ZYG11B: variants seen among roughly 807,000 people sequenced by gnomAD.
The protein encoded by ZYG11B is zyg-11 family member B, cell cycle regulator.
In ZYG11B, 36 loss-of-function variants were observed where a neutral mutation model predicts 82.4. The observed-to-expected ratio is 0.44, with a 90% CI of 0.33 to 0.58. ZYG11B has a LOEUF of 0.58. Among genes scored for constraint, ZYG11B ranks in the 20% least tolerant of loss-of-function variants. The pLI is 0.02. For missense variants in ZYG11B, 552 were observed against 895.6 expected (o/e 0.62, Z 4.90); for synonymous variants, 303 against 312.8 (o/e 0.97, Z 0.33).
chr1:52,806,938 A>G (rs1375994902), intron 10 of ZYG11B, among the ~76,000 whole-genome samples: 1 of 151,536 alleles, frequency 6.6e-6, no homozygotes, highest in East Asian at 1.9e-4. Context: ...GTGTGATCTC[A>G]GCTCGCTGCA....
chr1:52,784,624 T>C (rs1644897731), intron 4 of ZYG11B, among the ~76,000 whole-genome samples: 1 of 152,134 alleles, frequency 6.6e-6, no homozygotes, highest in Non-Finnish European at 1.5e-5. Flanking sequence ...AATACAAAGA[T>C]GAGTGACCTG....
At chr1:52,821,407 C>G in intron 13 of ZYG11B, 32 bp from the exon 14 acceptor site, 3 of 1,520,396 alleles carry the variant, frequency 2.0e-6, no homozygotes, top group Non-Finnish European at 2.6e-6. Context: ...GCTATTTCTC[C>G]TGTTTTGTGT....
At chr1:52,743,366 C>G (rs1209362855) in intron 1 of ZYG11B, among the ~76,000 whole-genome samples, 1 of 144,420 alleles carries the variant, frequency 6.9e-6, no homozygotes, top group African/African-American at 2.6e-5. Context: ...CCAAATCCCC[C>G]TCTCCGAGAA....
At position 52,771,264 on chromosome 1, in the gene ZYG11B, T is replaced by A; in HGVS notation, c.441T>A (p.Thr147=). ...NLQCLVLNSL[T]LSLEDPYERC... is the part of the protein sequence containing the mutation. Reference sequence around the variant, plus strand: ...AGTGCCTGGTGCTGAATTCATTAACTCTCTCCCTCGAGGATCCTTACGAGC... The same window carrying A: ...AGTGCCTGGTGCTGAATTCATTAACACTCTCCCTCGAGGATCCTTACGAGC... The change falls in exon 3 of 14, where the codon ACT becomes ACA. Residue 147 remains threonine, a synonymous_variant. Coordinates refer to ENST00000294353, the MANE Select transcript of ZYG11B (RefSeq NM_024646.3). This position sits in a 1 kb window ranked among gnomAD's most constrained non-coding sequence, Gnocchi z 5.4. 1 of 1,614,224 alleles carries A rather than the reference T, an allele frequency of 6.2e-7. No homozygotes were observed. The highest frequency in any genetic ancestry group is 8.5e-7 in the Non-Finnish European group (1 of 1,180,042).
At chr1:52,802,771 T>C (rs2149959234) in intron 10 of ZYG11B, among the ~76,000 whole-genome samples, 1 of 152,060 alleles carries the variant, frequency 6.6e-6, no homozygotes, top group South Asian at 2.1e-4. Context: ...ATAAATGTTA[T>C]TAAATTTAAA....
At chr1:52,785,992 A>G (rs541032020) in intron 5 of ZYG11B, among the ~76,000 whole-genome samples, 3 of 152,338 alleles carry the variant, frequency 2.0e-5, no homozygotes, top group African/African-American at 7.2e-5. Flanking sequence ...CCAGAGATAC[A>G]TTCTTACAAA....
At chr1:52,818,392 T>C (rs1267288161) in intron 13 of ZYG11B, among the ~76,000 whole-genome samples, 1 of 151,706 alleles carries the variant, frequency 6.6e-6, no homozygotes, top group Non-Finnish European at 1.5e-5. Context: ...GGCAGCATCA[T>C]CTGAGCCCAG....
intron 1 of ZYG11B, among the ~76,000 whole-genome samples, chr1:52,732,036 C>CA (rs1400254997): frequency 1.3e-5 from 2 of 152,216 alleles, no homozygotes; most frequent in African/African-American, 4.8e-5. Context: ...CTCCTGGACT[C>CA]ACGTGATCTG....
rs888441014 is a variant in ZYG11B, at chr1:52,765,563, T to C, written c.197-5457T>C. On this transcript the variant is annotated intron_variant, in intron 2 of 13. Transcript: ENST00000294353. ...CTCTGTCACCCAAGCTAGAGTGCAA[T>C]CATAGCTTACTATAATCTCAAACTC... Among the ~76,000 whole-genome samples the C allele has an allele frequency of 4.6e-5, 7 of 152,124 alleles. No homozygotes were observed. The South Asian group carries it at 6.2e-4, about 13-fold the overall frequency.
At chr1:52,801,746 G>C in intron 8 of ZYG11B, 73 bp from the exon 9 acceptor site, 4 of 1,256,044 alleles carry the variant, frequency 3.2e-6, no homozygotes, top group Non-Finnish European at 4.4e-6. Context: ...TCATGGACTT[G>C]GGGTTATTAA....
intron 2 of ZYG11B, among the ~76,000 whole-genome samples, chr1:52,763,049 C>T (rs1397993773): frequency 6.6e-6 from 1 of 150,938 alleles, no homozygotes; most frequent in Non-Finnish European, 1.5e-5. Context: ...ATTGACCAGA[C>T]TGTTCTTTTC....
intron 5 of ZYG11B, among the ~76,000 whole-genome samples, chr1:52,789,585 C>T (rs2149950451): frequency 6.6e-6 from 1 of 152,108 alleles, no homozygotes; most frequent in East Asian, 1.9e-4. Context: ...CTTTAGAGGC[C>T]AGTGTGTAGA....
chr1:52,783,838 A>ATATGTACATACACGTGTGCG (rs1553260793), intron 4 of ZYG11B, among the ~76,000 whole-genome samples: 10,988 of 100,524 alleles, frequency 0.11, 1,277 homozygotes, highest in African/African-American at 0.25. Flanking sequence ...ATACGTGTGT[A>ATATGTACATACACGTGTGCG]TATGTACATA....
At chr1:52,741,385 A>G (rs560370706) in intron 1 of ZYG11B, among the ~76,000 whole-genome samples, 2 of 152,106 alleles carry the variant, frequency 1.3e-5, no homozygotes, top group South Asian at 4.2e-4. Flanking sequence ...GAGTATTACG[A>G]TGAGAAGTCA....
chr1:52,798,408 G>A (rs1458589153), intron 8 of ZYG11B, among the ~76,000 whole-genome samples: 2 of 152,116 alleles, frequency 1.3e-5, no homozygotes, highest in Admixed American at 6.6e-5. Context: ...GAGCCCAGGA[G>A]TTCAAGACCA....
intron 4 of ZYG11B, among the ~76,000 whole-genome samples, chr1:52,783,880 G>A (rs973597814): frequency 3.1e-5 from 3 of 97,016 alleles, no homozygotes; most frequent in Admixed American, 1.8e-4. Flanking sequence ...ACACGTGTGT[G>A]TATATGTACA....
At chr1:52,749,741 CA>C (rs1409291602) in intron 1 of ZYG11B, among the ~76,000 whole-genome samples, 1 of 151,972 alleles carries the variant, frequency 6.6e-6, no homozygotes, top group East Asian at 1.9e-4. Flanking sequence ...TTATTAGAGA[CA>C]GGGTTTTGCC....
At chr1:52,775,716 G>T (rs1402514479) in intron 3 of ZYG11B, among the ~76,000 whole-genome samples, 1 of 151,666 alleles carries the variant, frequency 6.6e-6, no homozygotes, top group Non-Finnish European at 1.5e-5. Flanking sequence ...ACAACAAAAA[G>T]ATATCTGTTA....
At chr1:52,767,307 T>TTTTATGTTATATTAC (rs1644705811) in intron 2 of ZYG11B, among the ~76,000 whole-genome samples, 1 of 150,362 alleles carries the variant, frequency 6.7e-6, no homozygotes, top group Admixed American at 6.7e-5. Context: ...TTTTATTTTA[T>TTTTATGTTATATTAC]GTTATGTTAT....
Sources: gnomAD v4.1 joint callset for allele counts (sites outside exome capture counted in the v4.1 genomes callset) on GRCh38, gnomAD v4.1.1 for gene constraint, Gnocchi (gnomAD v3.1) non-coding constraint, MANE v1.5 for transcripts, NCBI Gene and HGNC (gene_info 2026-07-23, HGNC 2026-07-21) for gene names.